Variants in CLASP2 observed in about 807,000 individuals in gnomAD.
CLASP2 encodes CLIP-associating protein 2.
CLASP2 carries 47 observed loss-of-function variants against 194.4 expected under a neutral mutation model. The observed-to-expected ratio is 0.24, with a 90% CI of 0.19 to 0.31. The LOEUF (loss-of-function observed/expected upper bound fraction) is 0.31, where lower values mean the gene tolerates loss of function less well. Among genes scored for constraint, CLASP2 ranks in the 10% least tolerant of loss-of-function variants. The probability of loss-of-function intolerance (pLI) is 1.00; values close to 1 mark genes in which losing one functional copy is unlikely to be tolerated. For missense variants in CLASP2, 1,445 were observed against 1,823.6 expected (o/e 0.79, Z 3.78); for synonymous variants, 619 against 633.5 (o/e 0.98, Z 0.34).
chr3:33,619,437 T>C (rs562552531), intron 12 of CLASP2, among the ~76,000 whole-genome samples, 166 bp downstream of exon 12: 83 of 149,196 alleles, frequency 5.6e-4, no homozygotes, highest in Non-Finnish European at 1.0e-3. Context: ...GCTTTCACTA[T>C]CAGAAAAATA....
At chr3:33,546,910 C>T (rs916997167) in intron 30 of CLASP2, among the ~76,000 whole-genome samples, 1 of 152,130 alleles carries the variant, frequency 6.6e-6, no homozygotes, top group Non-Finnish European at 1.5e-5. Flanking sequence ...CCATTTGTTG[C>T]CTAAGCTTCT....
intron 18 of CLASP2, among the ~76,000 whole-genome samples, chr3:33,598,319 A>C (rs1328377278): frequency 1.3e-5 from 2 of 152,144 alleles, no homozygotes; most frequent in Admixed American, 6.5e-5. Context: ...AGAAAGTCAC[A>C]ACAACCTCCC....
chr3:33,607,433 T>G lies in CLASP2; in HGVS notation c.1477A>C (p.Lys493Gln). The G allele has an allele frequency of 1.2e-6, 2 of 1,610,672 alleles. No homozygotes were observed. Among genetic ancestry groups the G allele is most frequent in the Non-Finnish European group, 1.7e-6 (2 of 1,178,526 alleles). ...GCGTCAGCATCATGAATTCCCTTTT[T>G]AATAGTTTCAACCAAGACGGCTGCA... Reference protein sequence around the residue: ...RHAAVLVETIKKGIHDADAEA... With the variant: ...RHAAVLVETIQKGIHDADAEA... The change falls in exon 15 of 39, where the codon AAA becomes CAA. Residue 493 changes from lysine (K) to glutamine (Q), a missense_variant. Coordinates refer to ENST00000682230, the MANE Select transcript of CLASP2 (RefSeq NM_001365631.1).
intron 22 of CLASP2, among the ~76,000 whole-genome samples, chr3:33,584,446 T>A (rs988238625): frequency 6.6e-6 from 1 of 151,622 alleles, no homozygotes; most frequent in Non-Finnish European, 1.5e-5. Flanking sequence ...CTAATTTTTG[T>A]ATTTTTAGTA....
In CLASP2 at chr3:33,560,887, T is replaced by C; in HGVS notation, c.2851A>G (p.Thr951Ala). ...GCACCCATTTTTTTTAGTAGTTGTGTCAGCAGTACAAACAACCAATCTTGA... is the reference window on the plus strand; with the variant it reads ...GCACCCATTTTTTTTAGTAGTTGTGCCAGCAGTACAAACAACCAATCTTGA... ...DLQDWLFVLLTQLLKKMGADL... is the reference protein window; with the variant it reads ...DLQDWLFVLLAQLLKKMGADL... The change falls in exon 28 of 39, where the codon ACA (threonine) becomes GCA (alanine). Residue 951 changes from threonine to alanine, a missense_variant. By Grantham distance (58) the Thr-to-Ala change is moderately conservative. Transcript: ENST00000682230. 6.2e-7 allele frequency: 1 copy of C among 1,613,930 alleles called. No homozygotes were observed. Among genetic ancestry groups the C allele is most frequent in the Non-Finnish European group, 8.5e-7 (1 of 1,179,826 alleles).
rs1423434016 is a variant in CLASP2 at position 33,497,166 on chromosome 3, T to C, written c.*1465A>G. 6.6e-6 allele frequency: 1 copy of C among 152,606 alleles called. No homozygotes were observed. Among genetic ancestry groups the C allele is most frequent in the Non-Finnish European group, 1.5e-5 (1 of 68,022 alleles). The allele number at this position is 152,606 out of a possible 1,614,324, so 9.5% of individuals were successfully genotyped here. ...TAGAACAGAAAGAAAGGGGAAAGCC[T>C]ATGACAAATCATCCATTCAGTACTC... is the stretch of plus-strand genomic sequence containing the variant. On this transcript the variant is annotated 3_prime_UTR_variant, in exon 39 of 39. Coordinates refer to ENST00000682230, the MANE Select transcript of CLASP2 (RefSeq NM_001365631.1).
intron 8 of CLASP2, chr3:33,644,459 T>G (rs2081929972): frequency 2.8e-6 from 1 of 351,462 alleles, no homozygotes; most frequent in Admixed American, 4.2e-5. Flanking sequence ...ACCTGTTCTC[T>G]GCTTAAAAAA....
rs111503013 is a variant in CLASP2 at position 33,578,852 on chromosome 3, G to T, written c.2348-2577C>A. On this transcript the variant is annotated intron_variant, in intron 23 of 38. Coordinates refer to ENST00000682230, the MANE Select transcript of CLASP2 (RefSeq NM_001365631.1). ...CCAGAAATACATGGAAACTAAAGGT[G>T]CAAGTTCCAGAGAAGTTAAACTTTG... Among the ~76,000 whole-genome samples, 691 of 152,272 alleles carry T rather than the reference G, an allele frequency of 4.5e-3. 7 individuals carry two copies. The highest frequency in any genetic ancestry group is 0.016 in the African/African-American group (655 of 41,560).
At chr3:33,607,556 C>G (rs2074158521) in intron 14 of CLASP2, 95 bp from the exon 15 acceptor site, 1 of 710,568 alleles carries the variant, frequency 1.4e-6, no homozygotes, top group Non-Finnish European at 2.2e-6. Flanking sequence ...TAATCACAAA[C>G]AGGTAGGCGA....
At chr3:33,699,993 T>C (rs76540721) in intron 1 of CLASP2, among the ~76,000 whole-genome samples, 111 of 150,908 alleles carry the variant, frequency 7.4e-4, no homozygotes, top group Non-Finnish European at 1.3e-3. Context: ...ACAAACAAAA[T>C]CTAATAGAAT....
At chr3:33,561,870 T>A (rs1053915435) in intron 27 of CLASP2, among the ~76,000 whole-genome samples, 3 of 152,114 alleles carry the variant, frequency 2.0e-5, no homozygotes, top group Admixed American at 6.5e-5. Context: ...ACTGGACAAA[T>A]CATAATAAAC....
chr3:33,638,250 C>T (rs1342036828), intron 8 of CLASP2, among the ~76,000 whole-genome samples: 1 of 152,074 alleles, frequency 6.6e-6, no homozygotes, highest in Admixed American at 6.5e-5. Flanking sequence ...TTTTAAAACT[C>T]TCCGTTGTTT....
intron 32 of CLASP2, among the ~76,000 whole-genome samples, chr3:33,541,821 C>T (rs2058416118): frequency 6.6e-6 from 1 of 152,098 alleles, no homozygotes; most frequent in South Asian, 2.1e-4. Flanking sequence ...ATCTTTATAA[C>T]AGAATGATTT....
chr3:33,713,220 T>C lies in CLASP2; in HGVS notation c.195+4588A>G, dbSNP rs148792101. Among the ~76,000 whole-genome samples, 8 of 152,180 alleles carry C rather than the reference T, an allele frequency of 5.3e-5. No individual in the cohort carries two copies. In the East Asian group the frequency reaches 1.5e-3, roughly 29 times the overall value. On this transcript the variant is annotated intron_variant, in intron 1 of 38. Transcript: ENST00000682230. ...GTCCTTTATAGTACAGCTAAGACAT[T>C]ATAGAGGTTTTTAAAATTTATGTGT...
At chr3:33,682,196 A>G (rs922304060) in intron 6 of CLASP2, among the ~76,000 whole-genome samples, 1 of 152,244 alleles carries the variant, frequency 6.6e-6, no homozygotes, top group Non-Finnish European at 1.5e-5. Flanking sequence ...TATGATATTT[A>G]TGAAACAACT....
At chr3:33,586,492 A>G (rs114928146) in intron 21 of CLASP2, among the ~76,000 whole-genome samples, 2,936 of 152,266 alleles carry the variant, frequency 0.019, 56 homozygotes, top group African/African-American at 0.045. Context: ...GAACACAGGT[A>G]GAGTTAGTAA....
intron 32 of CLASP2, among the ~76,000 whole-genome samples, chr3:33,539,582 A>T (rs2057982412): frequency 1.3e-5 from 2 of 152,054 alleles, no homozygotes; most frequent in Non-Finnish European, 2.9e-5. Flanking sequence ...TGATCCGCCC[A>T]CCTCGGCCTC....
chr3:33,598,052 C>T (rs930633860), intron 18 of CLASP2, among the ~76,000 whole-genome samples: 3 of 152,126 alleles, frequency 2.0e-5, no homozygotes, highest in African/African-American at 7.2e-5. Flanking sequence ...TGTGCCCAGC[C>T]CACATTGCTC....
intron 7 of CLASP2, chr3:33,659,712 C>G (rs1210774379): frequency 6.6e-6 from 1 of 152,256 alleles, no homozygotes; most frequent in Non-Finnish European, 1.5e-5. Flanking sequence ...AGAACCTAGC[C>G]AATGCGCAGC....
Sources: gnomAD v4.1 joint callset for allele counts (sites outside exome capture counted in the v4.1 genomes callset) on GRCh38, gnomAD v4.1.1 for gene constraint, MANE v1.5 for transcripts, NCBI Gene and HGNC (gene_info 2026-07-23, HGNC 2026-07-21) for gene names.